GABBR2: variants seen among roughly 807,000 people sequenced by gnomAD.
GABBR2 encodes the protein G-protein coupled receptor 51.
GABBR2 carries 23 observed loss-of-function variants against 105.6 expected under a neutral mutation model. That is an observed-to-expected ratio of 0.22 (90% CI 0.16 to 0.31). The LOEUF (loss-of-function observed/expected upper bound fraction) is 0.31, where lower values mean the gene tolerates loss of function less well. GABBR2 is among the 10% of genes least tolerant of loss of function. The probability of loss-of-function intolerance (pLI) is 1.00; values close to 1 mark genes in which losing one functional copy is unlikely to be tolerated. For synonymous variants in GABBR2, 478 were observed against 499.7 expected (o/e 0.96, Z 0.58); for missense variants, 734 against 1,245.5 (o/e 0.59, Z 6.18).
intron 1 of GABBR2, among the ~76,000 whole-genome samples, chr9:98,610,234 A>G (rs1485368812): frequency 6.6e-6 from 1 of 152,182 alleles, no homozygotes; most frequent in African/African-American, 2.4e-5. Flanking sequence ...AACCTCTCTG[A>G]GCCTCAGTTT....
chr9:98,404,524 G>T (rs1832455306), intron 8 of GABBR2, among the ~76,000 whole-genome samples: 1 of 152,072 alleles, frequency 6.6e-6, no homozygotes, highest in African/African-American at 2.4e-5. Context: ...AAAGTGAGTG[G>T]GCACAGCAGG....
chr9:98,517,347 A>G (rs1014499430), intron 3 of GABBR2, among the ~76,000 whole-genome samples: 1 of 151,954 alleles, frequency 6.6e-6, no homozygotes, highest in Non-Finnish European at 1.5e-5. Flanking sequence ...CTGGCTAACA[A>G]ATCTCCTGTA....
intron 3 of GABBR2, among the ~76,000 whole-genome samples, chr9:98,508,641 T>C (rs1413292895): frequency 6.6e-6 from 1 of 152,216 alleles, no homozygotes. Flanking sequence ...CGGAGGGTCC[T>C]ACGCCCATGA....
intron 3 of GABBR2, among the ~76,000 whole-genome samples, chr9:98,516,954 G>A (rs2131706110): frequency 6.6e-6 from 1 of 152,362 alleles, no homozygotes. Flanking sequence ...ACAAAATGCT[G>A]TGAGATCTTG....
intron 7 of GABBR2, among the ~76,000 whole-genome samples, chr9:98,450,834 G>A (rs1224689043): frequency 6.6e-6 from 1 of 152,152 alleles, no homozygotes; most frequent in Non-Finnish European, 1.5e-5. Context: ...TGCTCATCAA[G>A]TAAGGATTAT....
intron 3 of GABBR2, among the ~76,000 whole-genome samples, chr9:98,506,052 G>C (rs1289138567): frequency 6.6e-6 from 1 of 152,098 alleles, no homozygotes; most frequent in Non-Finnish European, 1.5e-5. Flanking sequence ...CTATTTGATG[G>C]CACCATTTGT....
chr9:98,296,016 G>C (rs1830375794), intron 17 of GABBR2, among the ~76,000 whole-genome samples: 2 of 152,200 alleles, frequency 1.3e-5, no homozygotes, highest in Admixed American at 1.3e-4. Flanking sequence ...CCGCTACGGT[G>C]AATCAGCAGA....
At chr9:98,309,036 T>C (rs972929604) in intron 14 of GABBR2, among the ~76,000 whole-genome samples, 4 of 152,178 alleles carry the variant, frequency 2.6e-5, no homozygotes, top group African/African-American at 9.7e-5. Flanking sequence ...CTGTGTGTGC[T>C]TCTCCCAGCC....
At chr9:98,396,876 C>T (rs2131512100) in intron 8 of GABBR2, among the ~76,000 whole-genome samples, 1 of 152,272 alleles carries the variant, frequency 6.6e-6, no homozygotes, top group South Asian at 2.1e-4. Context: ...ACTCAGCTTC[C>T]CACCGACCGT....
chr9:98,316,244 T>A (rs1830715859), intron 13 of GABBR2, among the ~76,000 whole-genome samples: 2 of 151,946 alleles, frequency 1.3e-5, no homozygotes, highest in Admixed American at 6.6e-5. Context: ...CTCTGCCTCC[T>A]GGGTTCAAGC....
intron 2 of GABBR2, among the ~76,000 whole-genome samples, chr9:98,551,206 C>T (rs868828743): frequency 2.8e-4 from 42 of 152,076 alleles, no homozygotes; most frequent in African/African-American, 9.4e-4. Flanking sequence ...AATTTGTGAC[C>T]AGCCTGGCCG....
At chr9:98,576,971 GATGT>G (rs1293399856) in intron 2 of GABBR2, among the ~76,000 whole-genome samples, 1 of 150,636 alleles carries the variant, frequency 6.6e-6, no homozygotes, top group Non-Finnish European at 1.5e-5. Context: ...TGGGTGGGTG[GATGT>G]ATGGATGGAT....
intron 1 of GABBR2, among the ~76,000 whole-genome samples, chr9:98,678,580 G>A (rs1353945714): frequency 1.3e-5 from 2 of 152,200 alleles, no homozygotes; most frequent in Non-Finnish European, 2.9e-5. Context: ...CCTAGTTGAG[G>A]CAAACATGAT....
At chr9:98,457,925 A>G (rs1400307503) in intron 6 of GABBR2, among the ~76,000 whole-genome samples, 4 of 152,202 alleles carry the variant, frequency 2.6e-5, no homozygotes, top group African/African-American at 9.6e-5. Context: ...ATTAATTACC[A>G]TCCTCCGAGG....
At chr9:98,592,249 A>C (rs540921665) in intron 1 of GABBR2, among the ~76,000 whole-genome samples, 68 of 152,366 alleles carry the variant, frequency 4.5e-4, no homozygotes, top group African/African-American at 1.6e-3. Context: ...CTGGGAGCCT[A>C]CTATGACTGC....
At chr9:98,573,062 C>T (rs1208936453) in intron 2 of GABBR2, among the ~76,000 whole-genome samples, 1 of 152,222 alleles carries the variant, frequency 6.6e-6, no homozygotes, top group Non-Finnish European at 1.5e-5. Flanking sequence ...CAGGGCCACA[C>T]TGTGAGAGGC....
chr9:98,320,441 C>G (rs1197877509), intron 13 of GABBR2, among the ~76,000 whole-genome samples: 1 of 151,836 alleles, frequency 6.6e-6, no homozygotes, highest in East Asian at 1.9e-4. Context: ...GGATCTAGAA[C>G]TAGAAATACC....
At chr9:98,328,034 T>C (rs75626946) in intron 13 of GABBR2, among the ~76,000 whole-genome samples, 4,653 of 149,386 alleles carry the variant, frequency 0.031, 508 homozygotes, top group African/African-American at 0.11. Context: ...GCTAATGGGA[T>C]CAATATTCTA....
intron 4 of GABBR2, among the ~76,000 whole-genome samples, chr9:98,482,619 CA>C (rs1019948005): frequency 6.6e-6 from 1 of 152,182 alleles, no homozygotes; most frequent in Non-Finnish European, 1.5e-5. Flanking sequence ...TGTTGCTAAA[CA>C]TGGTATGGTA....
Sources: allele counts gnomAD v4.1 joint callset (sites outside exome capture counted in the v4.1 genomes callset), GRCh38; gene constraint gnomAD v4.1.1; transcripts MANE v1.5; gene names NCBI Gene and HGNC (gene_info 2026-07-23, HGNC 2026-07-21).